FARS2: variants seen among roughly 807,000 people sequenced by gnomAD.
FARS2 encodes the protein phenylalanine--tRNA ligase, mitochondrial.
A neutral mutation model predicts 46.4 loss-of-function variants in FARS2; 40 were observed. The observed-to-expected ratio is 0.86, with a 90% CI of 0.67 to 1.12. The LOEUF (loss-of-function observed/expected upper bound fraction) is 1.12. Ranked by LOEUF, FARS2 falls within the 50% of genes most tolerant of loss-of-function variation. The pLI is 0.00. For synonymous variants in FARS2, 234 were observed against 214.9 expected (o/e 1.09, Z -0.78); for missense variants, 513 against 567.9 (o/e 0.90, Z 0.98).
chr6:5,656,553 CTTTG>C (rs919054332), intron 6 of FARS2, among the ~76,000 whole-genome samples: 18 of 63,764 alleles, frequency 2.8e-4, no homozygotes, highest in African/African-American at 1.3e-3. Context: ...TAACCTTGTT[CTTTG>C]TTTTTTTTTT....
chr6:5,718,269 T>C (rs1248140183), intron 6 of FARS2, among the ~76,000 whole-genome samples: 1 of 152,178 alleles, frequency 6.6e-6, no homozygotes, highest in Non-Finnish European at 1.5e-5. Flanking sequence ...AATAATTTAC[T>C]TAACCCTTCC....
chr6:5,275,901 A>T (rs949747586), intron 1 of FARS2, among the ~76,000 whole-genome samples: 1 of 152,134 alleles, frequency 6.6e-6, no homozygotes, highest in Non-Finnish European at 1.5e-5. Flanking sequence ...CCAGAATTTT[A>T]TATTATCTTA....
chr6:5,267,566 C>G (rs530819157), intron 1 of FARS2, among the ~76,000 whole-genome samples: 1 of 151,968 alleles, frequency 6.6e-6, no homozygotes, highest in East Asian at 1.9e-4. Flanking sequence ...CTGGCTAACA[C>G]AGTGAAAACC....
chr6:5,499,863 G>A (rs1039812219), intron 4 of FARS2, among the ~76,000 whole-genome samples: 11 of 152,086 alleles, frequency 7.2e-5, no homozygotes, highest in African/African-American at 2.2e-4. Flanking sequence ...TAAACTTTGG[G>A]TACAGCAATG....
At chr6:5,689,376 C>G (rs1452550642) in intron 6 of FARS2, among the ~76,000 whole-genome samples, 1 of 151,952 alleles carries the variant, frequency 6.6e-6, no homozygotes, top group Non-Finnish European at 1.5e-5. Context: ...TTGAATGCGT[C>G]CCAGAGATTC....
intron 2 of FARS2, among the ~76,000 whole-genome samples, chr6:5,372,877 C>A (rs1759144228): frequency 6.6e-6 from 1 of 152,042 alleles, no homozygotes. Flanking sequence ...TGGAAATCAT[C>A]AAATTAAGTG....
At chr6:5,260,626 C>A (rs756084344), upstream of FARS2, 413 of 1,518,842 alleles carry the variant, frequency 2.7e-4, 2 homozygotes, top group Middle Eastern at 3.7e-3. Context: ...CCGCCCCCGG[C>A]CCCCGGTGCC....
At chr6:5,670,921 T>G (rs1269136744) in intron 6 of FARS2, among the ~76,000 whole-genome samples, 1 of 152,214 alleles carries the variant, frequency 6.6e-6, no homozygotes, top group Non-Finnish European at 1.5e-5. Context: ...TTTAGTGTCC[T>G]TATTGTGCTC....
At chr6:5,734,666 A>G (rs1760841420) in intron 6 of FARS2, among the ~76,000 whole-genome samples, 2 of 152,226 alleles carry the variant, frequency 1.3e-5, no homozygotes. Flanking sequence ...AATCTTCTTA[A>G]TAACCCTTTG....
At chr6:5,280,371 A>C (rs986236971) in intron 1 of FARS2, among the ~76,000 whole-genome samples, 2 of 152,210 alleles carry the variant, frequency 1.3e-5, no homozygotes, top group African/African-American at 4.8e-5. Context: ...CCCACTCAGA[A>C]GTTGGTGCTT....
intron 4 of FARS2, among the ~76,000 whole-genome samples, chr6:5,516,315 C>T (rs1582326874): frequency 1.3e-5 from 2 of 152,310 alleles, no homozygotes; most frequent in South Asian, 2.1e-4. Flanking sequence ...AAGGAATATT[C>T]GTGTAACAGT....
chr6:5,661,812 G>A (rs1299547494), intron 6 of FARS2, among the ~76,000 whole-genome samples: 6 of 146,480 alleles, frequency 4.1e-5, no homozygotes, highest in African/African-American at 1.6e-4. Context: ...GCTTGGAAAG[G>A]TTGTGTGCAG....
intron 2 of FARS2, among the ~76,000 whole-genome samples, chr6:5,377,639 G>A (rs913019192): frequency 1.3e-5 from 2 of 152,146 alleles, no homozygotes; most frequent in Non-Finnish European, 2.9e-5. Flanking sequence ...AAACTTGAGT[G>A]TATTAACCAG....
At chr6:5,613,914 G>C (rs184824177) in intron 6 of FARS2, among the ~76,000 whole-genome samples, 58 of 152,302 alleles carry the variant, frequency 3.8e-4, no homozygotes, top group Non-Finnish European at 7.2e-4. Flanking sequence ...TTTGAGACAT[G>C]GAAGCTGAGA....
chr6:5,593,310 C>T (rs2150609533), intron 5 of FARS2, among the ~76,000 whole-genome samples: 1 of 151,590 alleles, frequency 6.6e-6, no homozygotes, highest in East Asian at 1.9e-4. Context: ...CCACCGGCCT[C>T]TGCTGGTGCC....
At chr6:5,371,279 T>C (rs1759047128) in intron 2 of FARS2, 1 of 612,992 alleles carries the variant, frequency 1.6e-6, no homozygotes, top group African/African-American at 2.0e-5. Flanking sequence ...CAAAATGTTT[T>C]TTCGTCTTTC....
intron 6 of FARS2, among the ~76,000 whole-genome samples, chr6:5,685,333 A>C (rs1757114476): frequency 6.6e-6 from 1 of 152,128 alleles, no homozygotes; most frequent in African/African-American, 2.4e-5. Context: ...CTTCACACTA[A>C]AGTATTGAAA....
At chr6:5,330,968 C>T (rs530555118) in intron 1 of FARS2, among the ~76,000 whole-genome samples, 8 of 151,892 alleles carry the variant, frequency 5.3e-5, no homozygotes, top group East Asian at 1.9e-4. Context: ...TAGCCAGGTG[C>T]GGTGGTATGG....
chr6:5,337,220 T>G (rs188821439), intron 1 of FARS2, among the ~76,000 whole-genome samples: 102 of 151,832 alleles, frequency 6.7e-4, no homozygotes, highest in Non-Finnish European at 1.3e-3. Context: ...TGAGAAAGAA[T>G]TAAAATATCA....
Sources: allele counts gnomAD v4.1 joint callset (sites outside exome capture counted in the v4.1 genomes callset), GRCh38; gene constraint gnomAD v4.1.1; transcripts MANE v1.5; gene names NCBI Gene and HGNC (gene_info 2026-07-23, HGNC 2026-07-21).